SOBP: variants seen among roughly 807,000 people sequenced by gnomAD.
SOBP encodes the protein sine oculis binding protein homolog.
A neutral mutation model predicts 53.6 loss-of-function variants in SOBP; 4 were observed. The ratio of observed to expected loss-of-function variants is 0.07; its 90% CI spans 0.04 to 0.17. The LOEUF (loss-of-function observed/expected upper bound fraction) is 0.17. Among genes scored for constraint, SOBP ranks in the 10% least tolerant of loss-of-function variants. The pLI is 1.00. For synonymous variants in SOBP, 584 were observed against 522.6 expected (o/e 1.12, Z -1.60); for missense variants, 1,088 against 1,204.7 (o/e 0.90, Z 1.43).
chr6:107,657,227 C>T (rs1250058648), intron 6 of SOBP, among the ~76,000 whole-genome samples: 2 of 152,106 alleles, frequency 1.3e-5, no homozygotes, highest in Non-Finnish European at 2.9e-5. Context: ...AAGTGACTGG[C>T]GGCAAATGAA....
chr6:107,652,165 T>C (rs1279307073), intron 6 of SOBP, among the ~76,000 whole-genome samples: 2 of 152,248 alleles, frequency 1.3e-5, no homozygotes, highest in African/African-American at 2.4e-5. Flanking sequence ...CTGCCATTGA[T>C]AGTGATGCCT....
Position 107,634,106 on chromosome 6 carries a change from A to C in SOBP, c.1262A>C (p.Asn421Thr). 1 of 1,601,460 alleles carries C rather than the reference A, an allele frequency of 6.2e-7. No homozygotes were observed. The highest frequency in any genetic ancestry group is 8.5e-7 in the Non-Finnish European group (1 of 1,174,030). Residue 421 changes from asparagine to threonine, a missense_variant, in exon 6 of 7, where the codon AAC (asparagine) becomes ACC (threonine). Coordinates refer to ENST00000317357, the MANE Select transcript of SOBP (RefSeq NM_018013.4). This position sits in a 1 kb window ranked among gnomAD's most constrained non-coding sequence, Gnocchi z 4.5. ...FIRGPPHHAS[N>T]PNSPLSNPML... is the part of the protein sequence containing the mutation. Reference sequence around the variant, plus strand: ...CGCGGGCCTCCGCACCATGCCTCCAACCCCAACAGCCCCCTGTCCAACCCC... The same window carrying C: ...CGCGGGCCTCCGCACCATGCCTCCACCCCCAACAGCCCCCTGTCCAACCCC...
chr6:107,493,385 A>G, intron 1 of SOBP, among the ~76,000 whole-genome samples: 1 of 152,148 alleles, frequency 6.6e-6, no homozygotes, highest in East Asian at 1.9e-4. Flanking sequence ...CTGAGCCCCC[A>G]CCTCGGATCA....
At chr6:107,645,841 A>G (rs1771533590) in intron 6 of SOBP, among the ~76,000 whole-genome samples, 1 of 152,156 alleles carries the variant, frequency 6.6e-6, no homozygotes, top group African/African-American at 2.4e-5. Flanking sequence ...TGAGGGGTGA[A>G]GTAGCATGTT....
intron 4 of SOBP, among the ~76,000 whole-genome samples, chr6:107,550,676 C>A (rs530795729): frequency 1.3e-5 from 2 of 151,988 alleles, no homozygotes; most frequent in South Asian, 4.1e-4. Context: ...TGAGCACATG[C>A]TAATTTAGAG....
rs183433999 is a variant in SOBP, at chr6:107,567,907, C to T, written c.574-19173C>T. Among the ~76,000 whole-genome samples, 9 of 152,272 alleles carry T rather than the reference C, an allele frequency of 5.9e-5. No homozygotes were observed. The East Asian group carries it at 1.5e-3, about 26-fold the overall frequency. ...CTCTGAGAGTAGCCCAGAGAATCTT[C>T]CCAGCTCCACCTTTTCTGGCTCCAG... On this transcript the variant is annotated intron_variant, in intron 4 of 6. Transcript: ENST00000317357.
chr6:107,601,824 A>G (rs1358231006), intron 5 of SOBP, among the ~76,000 whole-genome samples: 1 of 152,238 alleles, frequency 6.6e-6, no homozygotes, highest in East Asian at 1.9e-4. Flanking sequence ...GAATTTCACT[A>G]CTGACTTAAT....
chr6:107,491,502 C>T (rs1782580632), intron 1 of SOBP, among the ~76,000 whole-genome samples: 1 of 152,260 alleles, frequency 6.6e-6, no homozygotes, highest in African/African-American at 2.4e-5. Context: ...GTGGAGAGCG[C>T]AGCAGCCTGG....
At chr6:107,515,920 A>G (rs1783306251) in intron 3 of SOBP, among the ~76,000 whole-genome samples, 1 of 152,212 alleles carries the variant, frequency 6.6e-6, no homozygotes, top group Non-Finnish European at 1.5e-5. Context: ...AAATCAGTCA[A>G]TATGATTAAC....
At chr6:107,613,411 A>G (rs1786670360) in intron 5 of SOBP, among the ~76,000 whole-genome samples, 1 of 152,244 alleles carries the variant, frequency 6.6e-6, no homozygotes, top group African/African-American at 2.4e-5. Context: ...TTTATTAAAA[A>G]TACATAGCCA....
chr6:107,526,482 G>A (rs559395035), intron 3 of SOBP, among the ~76,000 whole-genome samples: 1 of 152,244 alleles, frequency 6.6e-6, no homozygotes, highest in East Asian at 1.9e-4. Flanking sequence ...CAGTTCCACT[G>A]TCCTTTCTCT....
In SOBP at chr6:107,490,309, C is replaced by T. The variant is rs1431306861; in HGVS notation, c.-308C>T. On this transcript the variant is annotated 5_prime_UTR_variant, in exon 1 of 7. Transcript: ENST00000317357. Reference sequence around the variant, plus strand: ...GCAGCGAGGGCGGCAGGGGCAGCGGCAGCAGCGGCGGCGTTGGCTGCGGCG... The same window carrying T: ...GCAGCGAGGGCGGCAGGGGCAGCGGTAGCAGCGGCGGCGTTGGCTGCGGCG... 6 of 153,834 alleles carry T rather than the reference C, an allele frequency of 3.9e-5. No individual in the cohort carries two copies. The East Asian group carries it at 1.1e-3, about 29-fold the overall frequency. 9.5% of individuals were successfully genotyped at this position (153,834 alleles called of 1,614,324 possible).
intron 5 of SOBP, among the ~76,000 whole-genome samples, chr6:107,611,144 A>C (rs2748438): frequency 0.034 from 5,181 of 152,322 alleles, 325 homozygotes; most frequent in African/African-American, 0.12. Context: ...TAGCTGCCCC[A>C]GTTCCCTCTT....
Position 107,533,623 on chromosome 6 carries a change from G to C in SOBP, c.573+13G>C. 1 of 1,613,864 alleles carries C rather than the reference G, an allele frequency of 6.2e-7. No homozygotes were observed. Among genetic ancestry groups the C allele is most frequent in the Non-Finnish European group, 8.5e-7 (1 of 1,179,860 alleles). On this transcript the variant is annotated intron_variant, in intron 4 of 6. Transcript: ENST00000317357. ...CAAGAGAAATAAGGTAAGAGCACCGGAGAGAGAGGCGGCCCCCCACAGGCC... is the reference window on the plus strand; with the variant it reads ...CAAGAGAAATAAGGTAAGAGCACCGCAGAGAGAGGCGGCCCCCCACAGGCC...
intron 5 of SOBP, among the ~76,000 whole-genome samples, chr6:107,618,749 A>T (rs1294184211): frequency 2.6e-5 from 4 of 152,234 alleles, no homozygotes; most frequent in African/African-American, 9.6e-5. Context: ...TTCATCTGTC[A>T]TGCAGAAAAT....
chr6:107,519,853 G>A lies in SOBP; in HGVS notation c.421+13426G>A, dbSNP rs146882507. Among the ~76,000 whole-genome samples the A allele has an allele frequency of 4.4e-4, 67 of 152,140 alleles. 1 individual carries two copies. Among genetic ancestry groups the A allele is most frequent in the Middle Eastern group, 3.4e-3 (1 of 294 alleles). On this transcript the variant is annotated intron_variant, in intron 3 of 6. Coordinates refer to ENST00000317357, the MANE Select transcript of SOBP (RefSeq NM_018013.4). ...CTTGTCCCTCACTCCTACTTTCTGG[G>A]ATCACATGCCCATTAAAGCACCTAC... is the stretch of plus-strand genomic sequence containing the variant.
rs189648702 is a variant in SOBP, at chr6:107,534,826, C to T, written c.573+1216C>T. Among the ~76,000 whole-genome samples the T allele has an allele frequency of 4.0e-3, 607 of 152,210 alleles. 6 individuals carry two copies. The highest frequency in any genetic ancestry group is 0.014 in the African/African-American group (591 of 41,532). On this transcript the variant is annotated intron_variant, in intron 4 of 6. Transcript: ENST00000317357. The stretch of plus-strand genomic sequence containing the variant: ...TGTCAGCAGTCAAGTTCACTTTCCC[C>T]TGGGAGGAGCCAGTGAATCTGGGGA...
intron 3 of SOBP, among the ~76,000 whole-genome samples, chr6:107,509,599 A>T (rs1189794772): frequency 1.3e-5 from 2 of 152,222 alleles, no homozygotes; most frequent in African/African-American, 2.4e-5. Flanking sequence ...AAATTAGCAT[A>T]GCTGAGGCTA....
chr6:107,524,464 G>A (rs756680714), intron 3 of SOBP, among the ~76,000 whole-genome samples: 2 of 152,238 alleles, frequency 1.3e-5, no homozygotes, highest in Non-Finnish European at 2.9e-5. Context: ...CAGCCAGCCA[G>A]TGAACATGAG....
Sources: allele counts gnomAD v4.1 joint callset (sites outside exome capture counted in the v4.1 genomes callset), GRCh38; gene constraint gnomAD v4.1.1; non-coding constraint Gnocchi (gnomAD v3.1); transcripts MANE v1.5; gene names NCBI Gene and HGNC (gene_info 2026-07-23, HGNC 2026-07-21).